The following SV2C variants were observed in gnomAD, a reference collection of about 807,000 sequenced individuals.
The protein encoded by SV2C is synaptic vesicle glycoprotein 2C.
SV2C carries 49 observed loss-of-function variants against 79.7 expected under a neutral mutation model. That is an observed-to-expected ratio of 0.61 (90% confidence interval 0.49 to 0.78). The LOEUF is 0.78. SV2C is among the 30% of genes least tolerant of loss of function. The pLI, the probability that SV2C is intolerant of heterozygous loss-of-function variation, is 0.00. For missense variants in SV2C, 833 were observed against 912.9 expected, an observed-to-expected ratio of 0.91 and a Z score of 1.13; for synonymous variants, 334 against 333.2, an observed-to-expected ratio of 1.00 and a Z score of -0.03.
At chr5:76,103,728 C>T (rs1176394859) in intron 1 of SV2C, among the ~76,000 whole-genome samples, 2 of 152,212 alleles carry the variant, frequency 1.3e-5, no homozygotes, top group Non-Finnish European at 2.9e-5. Context: ...ATTTAAACCT[C>T]ACAGTTCTAG....
intron 2 of SV2C, chr5:76,174,083 G>A (rs1261090826): frequency 1.9e-6 from 3 of 1,576,188 alleles, no homozygotes; most frequent in Admixed American, 1.7e-5. Context: ...TTCTATCGTA[G>A]GATCGTATTT....
chr5:75,997,300 C>T, the SV2C span, among the ~76,000 whole-genome samples: 2 of 152,026 alleles, frequency 1.3e-5, no homozygotes, highest in Non-Finnish European at 2.9e-5. Context: ...ATGTCTACAA[C>T]ACCAAAAGCA....
In SV2C at chr5:76,329,321, A is replaced by G. The variant is rs1414621649; in HGVS notation, c.*3774A>G. The G allele has an allele frequency of 1.3e-5, 2 of 152,168 alleles. No individual in the cohort carries two copies. Among genetic ancestry groups the G allele is most frequent in the African/African-American group, 4.8e-5 (2 of 41,440 alleles). The allele number at this position is 152,168 out of a possible 1,614,324, so 9.4% of individuals were successfully genotyped here. A position where few individuals can be genotyped will look rare whatever the true frequency, so the allele number is the denominator to read the frequency against. ...CAGATAAACGCGCTTAGGTTAGAAG[A>G]CTATAATTGCAATATTACCCTACAG... On this transcript the variant is annotated 3_prime_UTR_variant, in exon 13 of 13. Transcript: ENST00000502798.
chr5:76,336,513 T>C (rs1317128650), downstream of SV2C, among the ~76,000 whole-genome samples: 1 of 151,982 alleles, frequency 6.6e-6, no homozygotes, highest in Non-Finnish European at 1.5e-5. Context: ...GAGGCTGCAA[T>C]CTCGGCACCC....
chr5:75,899,949 C>T, the SV2C span, among the ~76,000 whole-genome samples: 6 of 152,008 alleles, frequency 3.9e-5, no homozygotes, highest in Admixed American at 2.6e-4. Context: ...TTATTTTGAG[C>T]CTATGTGTGT....
At chr5:76,091,151 C>T (rs1182306962) in intron 1 of SV2C, among the ~76,000 whole-genome samples, 1 of 152,202 alleles carries the variant, frequency 6.6e-6, no homozygotes, top group Non-Finnish European at 1.5e-5. Context: ...GCATATTAAA[C>T]ACATCACTAG....
At chr5:76,247,019 G>A (rs938447354) in intron 4 of SV2C, among the ~76,000 whole-genome samples, 1 of 152,150 alleles carries the variant, frequency 6.6e-6, no homozygotes, top group Non-Finnish European at 1.5e-5. Flanking sequence ...AAATGATTAG[G>A]AATGATATAT....
At chr5:75,867,495 A>G in the SV2C span, among the ~76,000 whole-genome samples, 1 of 152,302 alleles carries the variant, frequency 6.6e-6, no homozygotes, top group African/African-American at 2.4e-5. Flanking sequence ...AAAAATGCTA[A>G]AAATTCCTGG....
the SV2C span, among the ~76,000 whole-genome samples, chr5:75,849,216 A>G: frequency 1.3e-5 from 2 of 152,244 alleles, no homozygotes; most frequent in Non-Finnish European, 2.9e-5. Context: ...TGGGAGTATT[A>G]AAGCAGGTTC....
rs1333485656 is a variant in SV2C, at chr5:76,317,675, A to T, written c.2001-7689A>T. Among the ~76,000 whole-genome samples, 5 of 152,084 alleles carry T rather than the reference A, an allele frequency of 3.3e-5. No individual in the cohort carries two copies. The East Asian group carries it at 9.6e-4, about 29-fold the overall frequency. On this transcript the variant is annotated intron_variant, in intron 12 of 12. Transcript: ENST00000502798. ...TGGGTACCCCATCTCTACAAAATTT[A>T]AAAAATTAGCTGAGCTTGCTGGCAC...
At chr5:76,049,011 G>GAA in the SV2C span, among the ~76,000 whole-genome samples, 4 of 89,312 alleles carry the variant, frequency 4.5e-5, no homozygotes, top group South Asian at 2.0e-3. Flanking sequence ...AAGAAAGAAA[G>GAA]AAAGAAAGAA....
the SV2C span, among the ~76,000 whole-genome samples, chr5:75,907,007 C>A: frequency 6.6e-6 from 1 of 152,212 alleles, no homozygotes; most frequent in Admixed American, 6.5e-5. Context: ...TGTCTTAGAA[C>A]ATCTCTCCTG....
the SV2C span, among the ~76,000 whole-genome samples, chr5:76,004,301 T>C: frequency 7.2e-5 from 11 of 152,312 alleles, no homozygotes; most frequent in East Asian, 2.1e-3. Context: ...ATTTCTTATC[T>C]TGGCCACTTT....
chr5:76,276,717 C>T (rs1747033884), intron 4 of SV2C, among the ~76,000 whole-genome samples: 1 of 149,994 alleles, frequency 6.7e-6, no homozygotes, highest in Non-Finnish European at 1.5e-5. Flanking sequence ...CCACAACTAG[C>T]TTTTTTCTTC....
the SV2C span, among the ~76,000 whole-genome samples, chr5:75,940,914 T>A: frequency 6.6e-6 from 1 of 152,228 alleles, no homozygotes; most frequent in African/African-American, 2.4e-5. Context: ...TTGCCTAGGA[T>A]CCTAAAGCTC....
chr5:76,207,000 TGA>T (rs1230767568), intron 3 of SV2C, among the ~76,000 whole-genome samples: 2 of 152,138 alleles, frequency 1.3e-5, no homozygotes, highest in African/African-American at 4.8e-5. Context: ...AAACAAGTAT[TGA>T]GAGACATCCA....
At chr5:76,156,416 A>T (rs1742731038) in intron 2 of SV2C, among the ~76,000 whole-genome samples, 1 of 152,156 alleles carries the variant, frequency 6.6e-6, no homozygotes, top group African/African-American at 2.4e-5. Context: ...ATCCCTGGAG[A>T]GAGGGAGGAT....
chr5:76,120,836 A>G (rs994543550), intron 1 of SV2C, among the ~76,000 whole-genome samples: 2 of 150,424 alleles, frequency 1.3e-5, no homozygotes, highest in Non-Finnish European at 2.9e-5. Context: ...ATATGTGTGC[A>G]TGTGTCTTTA....
the SV2C span, among the ~76,000 whole-genome samples, chr5:75,908,479 A>G: frequency 0.017 from 2,519 of 152,260 alleles, 36 homozygotes; most frequent in African/African-American, 0.043. Context: ...GGACATTTGG[A>G]TTGTTTCCAG....
Sources: gnomAD v4.1 joint callset for allele counts (sites outside exome capture counted in the v4.1 genomes callset) on GRCh38, gnomAD v4.1.1 for gene constraint, MANE v1.5 for transcripts, NCBI Gene and HGNC (gene_info 2026-07-23, HGNC 2026-07-21) for gene names.